The following UPP2 variants were observed in gnomAD, a reference collection of about 807,000 sequenced individuals.
UPP2 encodes uridine phosphorylase 2.
In UPP2, 23 loss-of-function variants were observed where a neutral mutation model predicts 26.7. The observed-to-expected ratio is 0.86, with a 90% CI of 0.62 to 1.22. The LOEUF is 1.22. UPP2 is among the 50% of genes most tolerant of loss of function. The pLI is 0.00. For missense variants in UPP2, 387 were observed against 396.7 expected, an observed-to-expected ratio of 0.98 and a Z score of 0.21; for synonymous variants, 127 against 141.3, an observed-to-expected ratio of 0.90 and a Z score of 0.72.
intron 2 of UPP2, among the ~76,000 whole-genome samples, chr2:158,004,016 A>T (rs1347286084): frequency 6.6e-6 from 1 of 152,214 alleles, no homozygotes; most frequent in Non-Finnish European, 1.5e-5. Context: ...TTGAAGGATT[A>T]AATGAGATAA....
At chr2:158,081,147 G>A (rs1682717552) in intron 3 of UPP2, among the ~76,000 whole-genome samples, 2 of 152,044 alleles carry the variant, frequency 1.3e-5, no homozygotes, top group African/African-American at 2.4e-5. Context: ...GAATATAGAG[G>A]AATTGTATGA....
Position 158,121,482 on chromosome 2 carries a change from C to T in UPP2, c.528C>T (p.Val176=). The change falls in exon 5 of 7, where the codon GTC becomes GTT. Residue 176 remains valine (V), a synonymous_variant. Coordinates refer to ENST00000005756, the MANE Select transcript of UPP2 (RefSeq NM_173355.4). ...DSFFKPRFEQ[V]ILDNIVTRST... ...TCTTTAAGCCCCGGTTTGAACAGGT[C>T]ATTTTGGACAACATTGTCACCCGAA... 1 of 1,613,382 alleles carries T rather than the reference C, an allele frequency of 6.2e-7. No individual in the cohort carries two copies.
intron 3 of UPP2, 55 bp downstream of exon 3, chr2:158,115,314 G>A (rs1683406303): frequency 4.0e-6 from 6 of 1,490,770 alleles, no homozygotes; most frequent in Non-Finnish European, 4.5e-6. Context: ...GAAAAAAGTG[G>A]GAACTTTTAC....
intron 4 of UPP2, among the ~76,000 whole-genome samples, chr2:158,120,129 T>A (rs544647876): frequency 6.6e-6 from 1 of 152,154 alleles, no homozygotes; most frequent in East Asian, 1.9e-4. Context: ...TGTAATTAAG[T>A]CTACTTTGAT....
At chr2:158,075,171 T>C (rs1682611615) in intron 3 of UPP2, among the ~76,000 whole-genome samples, 1 of 152,058 alleles carries the variant, frequency 6.6e-6, no homozygotes, top group African/African-American at 2.4e-5. Flanking sequence ...AATACAGTAA[T>C]AGCTGAAGAT....
At chr2:158,007,961 T>C (rs1257659177) in intron 2 of UPP2, among the ~76,000 whole-genome samples, 1 of 152,210 alleles carries the variant, frequency 6.6e-6, no homozygotes, top group Non-Finnish European at 1.5e-5. Context: ...CAGATGCTTC[T>C]GTGTTAACAT....
At chr2:158,103,575 C>T (rs1398461401) in intron 1 of UPP2, among the ~76,000 whole-genome samples, 1 of 152,132 alleles carries the variant, frequency 6.6e-6, no homozygotes, top group East Asian at 1.9e-4. Flanking sequence ...AGTAATGATT[C>T]ATAGATTCAG....
chr2:157,995,349 T>A (rs1312896417), intron 2 of UPP2: 17 of 1,401,354 alleles, frequency 1.2e-5, no homozygotes, highest in Non-Finnish European at 1.6e-5. Flanking sequence ...TTTTGAATTA[T>A]GTGGTTGATG....
chr2:158,120,008 C>T (rs143874778), intron 4 of UPP2, among the ~76,000 whole-genome samples: 88 of 111,824 alleles, frequency 7.9e-4, no homozygotes, highest in African/African-American at 2.5e-3. Context: ...AAGACCTCAT[C>T]TCAAAAAAAA....
chr2:158,134,094 A>G (rs911737769), intron 6 of UPP2: 2 of 152,220 alleles, frequency 1.3e-5, no homozygotes, highest in African/African-American at 4.8e-5. Flanking sequence ...CCAGTTTCCT[A>G]TAAGATTTCA....
chr2:158,052,208 G>A (rs1239572673), intron 3 of UPP2, among the ~76,000 whole-genome samples: 1 of 152,140 alleles, frequency 6.6e-6, no homozygotes, highest in Non-Finnish European at 1.5e-5. Context: ...AGGGAATAAT[G>A]GGAACATGTC....
chr2:158,069,489 A>G (rs1682503365), intron 3 of UPP2, among the ~76,000 whole-genome samples: 1 of 152,170 alleles, frequency 6.6e-6, no homozygotes, highest in African/African-American at 2.4e-5. Flanking sequence ...CCCAGCTCCT[A>G]CAGTAGGGGT....
intron 3 of UPP2, among the ~76,000 whole-genome samples, chr2:158,074,291 T>C (rs1384202426): frequency 6.6e-6 from 1 of 152,204 alleles, no homozygotes; most frequent in Non-Finnish European, 1.5e-5. Context: ...AAAACTGTAA[T>C]TGTGATGTGT....
chr2:158,094,864 A>G (rs1682962245), intron 3 of UPP2, among the ~76,000 whole-genome samples: 1 of 152,098 alleles, frequency 6.6e-6, no homozygotes, highest in Admixed American at 6.5e-5. Flanking sequence ...GGTTTGTCAA[A>G]CTCACAGAGC....
At chr2:158,115,308 A>T (rs1041774579) in intron 3 of UPP2, 49 bp downstream of exon 3, 11 of 1,511,824 alleles carry the variant, frequency 7.3e-6, no homozygotes, top group Non-Finnish European at 9.7e-6. Context: ...GCTAGAGAAA[A>T]AAGTGGGAAC....
chr2:158,115,092 T>C lies in UPP2; in HGVS notation c.181-9T>C. On this transcript the variant is annotated splice_polypyrimidine_tract_variant and intron_variant, in intron 2 of 6. Coordinates refer to ENST00000005756, the MANE Select transcript of UPP2 (RefSeq NM_173355.4). ...ACTATGGCAGGCCCTTGTTTATTTT[T>C]ATTAACAGTTTGTCTGTGTCGGTGG... 1 of 1,592,010 alleles carries C rather than the reference T, an allele frequency of 6.3e-7. No individual in the cohort carries two copies. The highest frequency in any genetic ancestry group is 1.1e-5 in the South Asian group (1 of 88,644).
At chr2:158,003,267 T>C (rs920190042) in intron 2 of UPP2, among the ~76,000 whole-genome samples, 2 of 152,060 alleles carry the variant, frequency 1.3e-5, no homozygotes, top group Admixed American at 1.3e-4. Context: ...GAGGGTCCGA[T>C]GCAGAGTGCT....
chr2:158,029,498 T>C (rs1196667099), intron 3 of UPP2, among the ~76,000 whole-genome samples: 2 of 152,204 alleles, frequency 1.3e-5, no homozygotes, highest in Admixed American at 1.3e-4. Context: ...GCCAATATGG[T>C]GAATGCCTTG....
At chr2:158,065,861 A>C in intron 3 of UPP2, 3 of 655,386 alleles carry the variant, frequency 4.6e-6, no homozygotes, top group Non-Finnish European at 8.5e-6. Flanking sequence ...ATTGCATTGC[A>C]GGCCTTGGGA....
Sources: allele counts gnomAD v4.1 joint callset (sites outside exome capture counted in the v4.1 genomes callset), GRCh38; gene constraint gnomAD v4.1.1; transcripts MANE v1.5; gene names NCBI Gene and HGNC (gene_info 2026-07-23, HGNC 2026-07-21).